Variants in EXT1 observed in about 807,000 individuals in gnomAD.
EXT1 encodes exostosin-1.
In EXT1, 20 loss-of-function variants were observed where a neutral mutation model predicts 82.5. That is an observed-to-expected ratio of 0.24 (90% CI 0.17 to 0.35). The LOEUF (loss-of-function observed/expected upper bound fraction) is 0.35. EXT1 is among the 10% of genes least tolerant of loss of function. The probability of loss-of-function intolerance (pLI) is 1.00; values close to 1 mark genes in which losing one functional copy is unlikely to be tolerated. For synonymous variants in EXT1, 348 were observed against 350.8 expected (o/e 0.99, Z 0.09); for missense variants, 757 against 936.5 (o/e 0.81, Z 2.50).
chr8:118,090,154 G>A (rs1433632069), intron 1 of EXT1, among the ~76,000 whole-genome samples: 1 of 152,228 alleles, frequency 6.6e-6, no homozygotes, highest in African/African-American at 2.4e-5. Flanking sequence ...ACAAGTGGTG[G>A]CTCATGCCTG....
chr8:118,076,374 T>C (rs1817208591), intron 1 of EXT1, among the ~76,000 whole-genome samples: 1 of 152,240 alleles, frequency 6.6e-6, no homozygotes, highest in East Asian at 1.9e-4. Context: ...ATTGGCTGGT[T>C]TGGATGAATT....
At chr8:118,020,412 T>C (rs1481847466) in intron 1 of EXT1, among the ~76,000 whole-genome samples, 2 of 152,226 alleles carry the variant, frequency 1.3e-5, no homozygotes, top group East Asian at 3.8e-4. Context: ...TGTCCTATTA[T>C]GTAAAATCAT....
intron 1 of EXT1, among the ~76,000 whole-genome samples, chr8:118,055,646 T>A (rs1392583719): frequency 6.6e-6 from 1 of 152,010 alleles, no homozygotes; most frequent in Non-Finnish European, 1.5e-5. Context: ...TTTGGACCCA[T>A]CCCTTGATAA....
chr8:118,054,074 A>G (rs1586366229), intron 1 of EXT1, among the ~76,000 whole-genome samples: 1 of 152,332 alleles, frequency 6.6e-6, no homozygotes, highest in Non-Finnish European at 1.5e-5. Flanking sequence ...TATAATGTAC[A>G]GGGCAAGTCT....
chr8:118,043,240 TC>T (rs201958475), intron 1 of EXT1, among the ~76,000 whole-genome samples: 1,990 of 152,324 alleles, frequency 0.013, 46 homozygotes, highest in African/African-American at 0.046. Flanking sequence ...GCCATTACAG[TC>T]CACGTGGGCC....
At chr8:117,971,387 C>T (rs1814936967) in intron 1 of EXT1, among the ~76,000 whole-genome samples, 1 of 152,046 alleles carries the variant, frequency 6.6e-6, no homozygotes, top group Admixed American at 6.6e-5. Flanking sequence ...GGACTAAGGT[C>T]ACAAAACAGT....
intron 1 of EXT1, among the ~76,000 whole-genome samples, chr8:118,075,404 G>A (rs1412016839): frequency 1.3e-5 from 2 of 152,214 alleles, no homozygotes; most frequent in African/African-American, 4.8e-5. Flanking sequence ...AGCAGGAGGA[G>A]TGTCCTCTAA....
chr8:117,912,226 TA>T (rs1031305226), intron 1 of EXT1, among the ~76,000 whole-genome samples: 1 of 152,212 alleles, frequency 6.6e-6, no homozygotes, highest in African/African-American at 2.4e-5. Context: ...CAGAGTATAC[TA>T]AAGAATACTG....
chr8:118,017,737 C>T (rs143109548), intron 1 of EXT1, among the ~76,000 whole-genome samples: 5 of 152,290 alleles, frequency 3.3e-5, no homozygotes, highest in Non-Finnish European at 5.9e-5. Flanking sequence ...CAACATAATT[C>T]GAGACTGTGA....
intron 1 of EXT1, among the ~76,000 whole-genome samples, chr8:117,946,636 C>T (rs981325001): frequency 6.6e-6 from 1 of 151,404 alleles, no homozygotes; most frequent in Non-Finnish European, 1.5e-5. Context: ...GGAGCCAATC[C>T]TATACACGAG....
intron 1 of EXT1, among the ~76,000 whole-genome samples, chr8:118,073,963 C>T (rs559241094): frequency 3.9e-5 from 6 of 152,150 alleles, no homozygotes; most frequent in Non-Finnish European, 7.3e-5. Context: ...CGCCTGGAAC[C>T]TTCCTTCTCA....
At position 117,806,625 on chromosome 8, in the gene EXT1, C is replaced by T. The variant is rs995654451; in HGVS notation, c.1883+592G>A. Among the ~76,000 whole-genome samples, 3 of 152,346 alleles carry T rather than the reference C, an allele frequency of 2.0e-5. No homozygotes were observed. In the South Asian group the frequency reaches 6.2e-4, roughly 32 times the overall value. ...CTCGCTGTTCTCCTGCCACAACACT[C>T]TTGGTGCACATGTCCTCTTGACTTC... On this transcript the variant is annotated intron_variant, in intron 9 of 10. Transcript: ENST00000378204.
intron 1 of EXT1, among the ~76,000 whole-genome samples, chr8:118,025,703 G>C (rs1816189992): frequency 6.6e-6 from 1 of 152,060 alleles, no homozygotes; most frequent in African/African-American, 2.4e-5. Context: ...GCGGTTTTAG[G>C]CACAGGAGAA....
At chr8:117,989,515 T>C (rs983505588) in intron 1 of EXT1, among the ~76,000 whole-genome samples, 1 of 152,208 alleles carries the variant, frequency 6.6e-6, no homozygotes, top group African/African-American at 2.4e-5. Flanking sequence ...ATAGCTCTTT[T>C]AAACTGACCA....
intron 1 of EXT1, among the ~76,000 whole-genome samples, chr8:117,958,589 C>A (rs1814634738): frequency 6.6e-6 from 1 of 152,142 alleles, no homozygotes; most frequent in Non-Finnish European, 1.5e-5. Context: ...AATCATTCTA[C>A]TATAATTTGG....
intron 1 of EXT1, among the ~76,000 whole-genome samples, chr8:117,907,124 C>T (rs868306233): frequency 6.6e-6 from 1 of 152,302 alleles, no homozygotes; most frequent in South Asian, 2.1e-4. Context: ...TTTCTCCATC[C>T]CCCAAACAAT....
intron 1 of EXT1, among the ~76,000 whole-genome samples, chr8:117,903,774 C>T (rs1452545057): frequency 6.6e-6 from 1 of 152,130 alleles, no homozygotes; most frequent in African/African-American, 2.4e-5. Flanking sequence ...AGGCTCAATA[C>T]CAACATGTTA....
chr8:117,826,901 T>C (rs1235087372), intron 4 of EXT1, among the ~76,000 whole-genome samples: 1 of 152,238 alleles, frequency 6.6e-6, no homozygotes, highest in Non-Finnish European at 1.5e-5. Flanking sequence ...TTTGATCCTA[T>C]TCTGATGAAT....
intron 1 of EXT1, among the ~76,000 whole-genome samples, chr8:118,103,878 C>CA (rs963853787): frequency 7.9e-5 from 12 of 152,296 alleles, no homozygotes; most frequent in Non-Finnish European, 8.8e-5. Flanking sequence ...ATCTCTGAGC[C>CA]AAACTTTTTC....
Sources: gnomAD v4.1 joint callset for allele counts (sites outside exome capture counted in the v4.1 genomes callset) on GRCh38, gnomAD v4.1.1 for gene constraint, MANE v1.5 for transcripts, NCBI Gene and HGNC (gene_info 2026-07-23, HGNC 2026-07-21) for gene names.